ZFHX3: variants seen among roughly 807,000 people sequenced by gnomAD.
ZFHX3 encodes the protein zinc finger homeobox protein 3.
In ZFHX3, 42 loss-of-function variants were observed where a neutral mutation model predicts 279.1. The observed-to-expected ratio is 0.15, with a 90% CI of 0.12 to 0.19. The LOEUF (loss-of-function observed/expected upper bound fraction) is 0.19, where lower values mean the gene tolerates loss of function less well. Ranked by LOEUF, ZFHX3 falls within the 10% of genes least tolerant of loss-of-function variation. The pLI is 1.00. For synonymous variants in ZFHX3, 2,293 were observed against 1,957.8 expected, an observed-to-expected ratio of 1.17 and a Z score of -4.52; for missense variants, 4,981 against 4,754.0, an observed-to-expected ratio of 1.05 and a Z score of -1.40.
chr16:72,948,146 G>C (rs1198909387), intron 3 of ZFHX3, among the ~76,000 whole-genome samples: 1 of 152,204 alleles, frequency 6.6e-6, no homozygotes, highest in Non-Finnish European at 1.5e-5. Context: ...CTGTGGCGAA[G>C]CCCGGGCAGG....
chr16:73,564,412 G>C (rs764515571), intron 2 of ZFHX3, among the ~76,000 whole-genome samples: 1 of 152,138 alleles, frequency 6.6e-6, no homozygotes, highest in Non-Finnish European at 1.5e-5. Context: ...TTATCCCTCG[G>C]TTCTATCCCT....
At position 73,653,186 on chromosome 16, in the gene ZFHX3, G is replaced by GA. The variant is rs1359127464; in HGVS notation, c.-1547+26993dup. Among the ~76,000 whole-genome samples, 5 of 152,210 alleles carry GA rather than the reference G, an allele frequency of 3.3e-5. No homozygotes were observed. The East Asian group carries it at 7.7e-4, about 23-fold the overall frequency. On this transcript the variant is annotated intron_variant, in intron 2 of 17. Transcript: ENST00000641206. ...TGTCTTGCTAATTATTGGATGGACA[G>GA]AAAAAAGTCAATGAGAATAAAGAAG...
At chr16:73,301,787 A>G (rs1380174046) in intron 4 of ZFHX3, among the ~76,000 whole-genome samples, 1 of 147,806 alleles carries the variant, frequency 6.8e-6, no homozygotes, top group Non-Finnish European at 1.5e-5. Flanking sequence ...ACAAGCACTC[A>G]TTTAAGATTC....
chr16:73,349,335 A>C (rs2016180923), intron 3 of ZFHX3, among the ~76,000 whole-genome samples: 1 of 152,192 alleles, frequency 6.6e-6, no homozygotes, highest in African/African-American at 2.4e-5. Context: ...GAGATTGATC[A>C]CCTGATCAGA....
chr16:73,319,704 T>C (rs1290057325), intron 3 of ZFHX3, among the ~76,000 whole-genome samples: 2 of 152,232 alleles, frequency 1.3e-5, no homozygotes, highest in African/African-American at 4.8e-5. Flanking sequence ...AGTGCCACAC[T>C]GGCCTTTCTG....
intron 2 of ZFHX3, among the ~76,000 whole-genome samples, chr16:73,616,490 G>A (rs1166914838): frequency 6.7e-6 from 1 of 149,048 alleles, no homozygotes; most frequent in Non-Finnish European, 1.5e-5. Context: ...CCATTTATTT[G>A]GTTTCCAGTT....
intron 1 of ZFHX3, among the ~76,000 whole-genome samples, chr16:72,971,532 A>G (rs1280800191): frequency 6.6e-6 from 1 of 152,114 alleles, no homozygotes; most frequent in East Asian, 1.9e-4. Context: ...AGCCTCCCTT[A>G]CCACTCTAAA....
At chr16:73,233,748 CT>C (rs1406789425) in intron 5 of ZFHX3, 1 of 152,220 alleles carries the variant, frequency 6.6e-6, no homozygotes, top group Non-Finnish European at 1.5e-5. Context: ...GTTCAGTTAA[CT>C]GAGCTAAATG....
At chr16:72,951,170 A>G (rs1269576112) in intron 2 of ZFHX3, among the ~76,000 whole-genome samples, 1 of 152,232 alleles carries the variant, frequency 6.6e-6, no homozygotes, top group East Asian at 1.9e-4. Context: ...TCCTGCGGAC[A>G]TTCTGAGATT....
At chr16:73,418,857 T>G (rs988831218) in intron 3 of ZFHX3, among the ~76,000 whole-genome samples, 1 of 152,240 alleles carries the variant, frequency 6.6e-6, no homozygotes. Flanking sequence ...CAATGGATAC[T>G]TTTTCACGTC....
chr16:73,354,192 T>TA (rs1237221252), intron 3 of ZFHX3, among the ~76,000 whole-genome samples: 2 of 151,986 alleles, frequency 1.3e-5, no homozygotes, highest in African/African-American at 4.8e-5. Context: ...ATCCTTATGC[T>TA]AAAAAAAATG....
At chr16:73,086,411 A>G (rs952546579) in intron 8 of ZFHX3, among the ~76,000 whole-genome samples, 2 of 152,232 alleles carry the variant, frequency 1.3e-5, no homozygotes, top group South Asian at 4.1e-4. Context: ...CTGCACTTCC[A>G]TGTTTATTGT....
chr16:73,207,462 C>G (rs1473251742), intron 5 of ZFHX3, among the ~76,000 whole-genome samples: 1 of 152,070 alleles, frequency 6.6e-6, no homozygotes, highest in Admixed American at 6.5e-5. Context: ...TAACAGTGAC[C>G]AGTTGGTTCA....
intron 1 of ZFHX3, among the ~76,000 whole-genome samples, chr16:73,856,445 GA>G (rs199865167): frequency 3.3e-5 from 5 of 152,134 alleles, no homozygotes; most frequent in South Asian, 2.1e-4. Flanking sequence ...TGGCAAGGGG[GA>G]AAAAAATTCT....
At chr16:73,735,602 T>A (rs1392842672) in intron 1 of ZFHX3, among the ~76,000 whole-genome samples, 1 of 152,162 alleles carries the variant, frequency 6.6e-6, no homozygotes, top group Non-Finnish European at 1.5e-5. Context: ...GCGATCACTG[T>A]ACATTTGAGA....
At chr16:73,587,702 G>C (rs1312516238) in intron 2 of ZFHX3, among the ~76,000 whole-genome samples, 1 of 152,142 alleles carries the variant, frequency 6.6e-6, no homozygotes, top group Admixed American at 6.6e-5. Context: ...ATACCCAATA[G>C]AGAAATAGTA....
chr16:73,682,966 G>GA (rs1273463892), intron 1 of ZFHX3, among the ~76,000 whole-genome samples: 874 of 26,526 alleles, frequency 0.033, 78 homozygotes, highest in African/African-American at 0.096. Context: ...AAGAAAGAAA[G>GA]AAAGAAAGAA....
At chr16:73,165,965 AG>A (rs1967354320) in intron 5 of ZFHX3, among the ~76,000 whole-genome samples, 1 of 152,194 alleles carries the variant, frequency 6.6e-6, no homozygotes. Context: ...GCCTAATAAC[AG>A]GTTTATGTAA....
chr16:72,900,158 A>G (rs531743929), intron 3 of ZFHX3, among the ~76,000 whole-genome samples: 178 of 151,472 alleles, frequency 1.2e-3, no homozygotes, highest in African/African-American at 3.8e-3. Flanking sequence ...AAAAAAAACA[A>G]GAAGTGTTTA....
Sources: allele counts gnomAD v4.1 joint callset (sites outside exome capture counted in the v4.1 genomes callset), GRCh38; gene constraint gnomAD v4.1.1; transcripts MANE v1.5; gene names NCBI Gene and HGNC (gene_info 2026-07-23, HGNC 2026-07-21).